CFAP299: variants seen among roughly 807,000 people sequenced by gnomAD.
CFAP299 encodes the protein cilia- and flagella-associated protein 299.
A neutral mutation model predicts 27.0 loss-of-function variants in CFAP299; 21 were observed. The ratio of observed to expected loss-of-function variants is 0.78; its 90% CI spans 0.55 to 1.12. The LOEUF (loss-of-function observed/expected upper bound fraction) is 1.12. Among genes scored for constraint, CFAP299 ranks in the 50% most tolerant of loss-of-function variants. The pLI, the probability that CFAP299 is intolerant of heterozygous loss-of-function variation, is 0.00. For synonymous variants in CFAP299, 104 were observed against 98.1 expected (o/e 1.06, Z -0.36); for missense variants, 310 against 276.6 (o/e 1.12, Z -0.86).
chr4:80,475,637 A>G (rs991380691), intron 2 of CFAP299, among the ~76,000 whole-genome samples: 2 of 152,230 alleles, frequency 1.3e-5, no homozygotes, highest in African/African-American at 4.8e-5. Flanking sequence ...GTTAAAACCA[A>G]GGTAGCTTAT....
chr4:80,824,257 G>T (rs1729861174), intron 3 of CFAP299, among the ~76,000 whole-genome samples: 1 of 152,102 alleles, frequency 6.6e-6, no homozygotes. Context: ...GTAGTTAATT[G>T]TAGTAAATTT....
intron 2 of CFAP299, among the ~76,000 whole-genome samples, chr4:80,430,986 G>C (rs756742832): frequency 6.6e-6 from 1 of 152,104 alleles, no homozygotes; most frequent in African/African-American, 2.4e-5. Flanking sequence ...CTTCAGGTTT[G>C]TTTCCCACAT....
At chr4:80,800,759 G>GTATATATATA (rs1560419779) in intron 3 of CFAP299, among the ~76,000 whole-genome samples, 7 of 126,576 alleles carry the variant, frequency 5.5e-5, no homozygotes, top group African/African-American at 2.3e-4. Flanking sequence ...GTGTGTGTGT[G>GTATATATATA]TGTGTGTGTA....
intron 2 of CFAP299, among the ~76,000 whole-genome samples, chr4:80,579,525 C>T (rs1231314535): frequency 6.6e-6 from 1 of 152,128 alleles, no homozygotes; most frequent in Non-Finnish European, 1.5e-5. Context: ...GCCCAGATAT[C>T]TGCTGAAAAC....
chr4:80,716,770 A>G (rs556228110), intron 3 of CFAP299, among the ~76,000 whole-genome samples: 15 of 152,250 alleles, frequency 9.9e-5, no homozygotes, highest in South Asian at 8.3e-4. Context: ...CTGAATATGT[A>G]TATACATAAT....
chr4:80,590,035 C>T (rs1736643883), intron 3 of CFAP299, among the ~76,000 whole-genome samples: 1 of 151,934 alleles, frequency 6.6e-6, no homozygotes, highest in South Asian at 2.1e-4. Context: ...GCAGCATAAC[C>T]TGAATGTTCA....
chr4:80,537,920 C>G, intron 2 of CFAP299, among the ~76,000 whole-genome samples: 1 of 151,970 alleles, frequency 6.6e-6, no homozygotes, highest in East Asian at 1.9e-4. Context: ...ACATCATGTT[C>G]TATGCTGAAA....
intron 3 of CFAP299, among the ~76,000 whole-genome samples, chr4:80,799,706 TA>T (rs1728212528): frequency 1.8e-5 from 1 of 55,418 alleles, no homozygotes; most frequent in African/African-American, 8.2e-5. Flanking sequence ...ATAAAATATA[TA>T]TTTTATATAT....
At position 80,762,386 on chromosome 4, in the gene CFAP299, T is replaced by A. The variant is rs184120816; in HGVS notation, c.334-107607T>A. On this transcript the variant is annotated intron_variant, in intron 3 of 5. Transcript: ENST00000358105. ...CACATTTTGCCTCAGACAGTCCTGT[T>A]GTCTGAGTGTCATACTTGCAAAAAC... is the stretch of plus-strand genomic sequence containing the variant. 2.2e-4 allele frequency among the ~76,000 whole-genome samples: 34 copies of A among 152,248 alleles called. No homozygotes were observed. The East Asian group carries it at 6.4e-3, about 29-fold the overall frequency.
intron 3 of CFAP299, among the ~76,000 whole-genome samples, chr4:80,853,298 T>C (rs2110149993): frequency 6.6e-6 from 1 of 152,328 alleles, no homozygotes; most frequent in East Asian, 1.9e-4. Flanking sequence ...CCCAAAGTGC[T>C]GGGATTACAG....
chr4:80,538,907 A>G (rs1733872520), intron 2 of CFAP299, among the ~76,000 whole-genome samples: 1 of 152,248 alleles, frequency 6.6e-6, no homozygotes, highest in Non-Finnish European at 1.5e-5. Flanking sequence ...AAGCTACTTT[A>G]AAACTTGTTT....
chr4:80,793,590 G>C (rs1727693627), intron 3 of CFAP299, among the ~76,000 whole-genome samples: 1 of 151,968 alleles, frequency 6.6e-6, no homozygotes, highest in Non-Finnish European at 1.5e-5. Flanking sequence ...ACAATAATAA[G>C]GTCATAATTT....
chr4:80,399,899 CATGACTT>C (rs1454033451), intron 2 of CFAP299, among the ~76,000 whole-genome samples: 1 of 152,106 alleles, frequency 6.6e-6, no homozygotes, highest in Admixed American at 6.6e-5. Context: ...CTTGATTTGG[CATGACTT>C]ATACATTCTA....
chr4:80,640,459 CAAGCTCTGAGATT>C (rs1275432028), intron 3 of CFAP299, among the ~76,000 whole-genome samples: 1 of 152,176 alleles, frequency 6.6e-6, no homozygotes, highest in African/African-American at 2.4e-5. Context: ...AATCCAATCT[CAAGCTCTGAGATT>C]AATGCTGCTT....
intron 3 of CFAP299, among the ~76,000 whole-genome samples, chr4:80,665,875 C>G (rs1176177349): frequency 6.6e-6 from 1 of 151,880 alleles, no homozygotes; most frequent in Non-Finnish European, 1.5e-5. Flanking sequence ...GTATATGGCA[C>G]CTCTTCTCTC....
chr4:80,342,584 A>T (rs911835247), intron 1 of CFAP299, among the ~76,000 whole-genome samples: 1 of 152,212 alleles, frequency 6.6e-6, no homozygotes, highest in Non-Finnish European at 1.5e-5. Flanking sequence ...TCATTAGCAC[A>T]GGAGAAATAA....
intron 3 of CFAP299, among the ~76,000 whole-genome samples, chr4:80,790,789 G>C (rs1335284948): frequency 1.3e-5 from 2 of 152,002 alleles, no homozygotes; most frequent in Non-Finnish European, 2.9e-5. Context: ...ATATTCAGAA[G>C]TTACCGGGGA....
rs145991636 is a variant in CFAP299, at chr4:80,784,372, T to C, written c.334-85621T>C. 7.7e-4 allele frequency among the ~76,000 whole-genome samples: 117 copies of C among 152,328 alleles called. 1 individual carries two copies. In the East Asian group the frequency reaches 0.02, roughly 27 times the overall value. On this transcript the variant is annotated intron_variant, in intron 3 of 5. Coordinates refer to ENST00000358105, the MANE Select transcript of CFAP299 (RefSeq NM_152770.3). ...TCGCCAACACTTGTGATCTGTCTTT[T>C]GAGGATGCCCATCCTAACATACATG...
chr4:80,520,932 C>T (rs1732878044), intron 2 of CFAP299, among the ~76,000 whole-genome samples: 1 of 152,080 alleles, frequency 6.6e-6, no homozygotes, highest in South Asian at 2.1e-4. Flanking sequence ...GGGCTAGGAA[C>T]ATGACTCCTA....
Sources: gnomAD v4.1 joint callset for allele counts (sites outside exome capture counted in the v4.1 genomes callset) on GRCh38, gnomAD v4.1.1 for gene constraint, MANE v1.5 for transcripts, NCBI Gene and HGNC (gene_info 2026-07-23, HGNC 2026-07-21) for gene names.